Variants in GRM7 observed in about 807,000 individuals in gnomAD.
The protein encoded by GRM7 is metabotropic glutamate receptor 7.
A neutral mutation model predicts 84.5 loss-of-function variants in GRM7; 35 were observed. That is an observed-to-expected ratio of 0.41 (90% CI 0.32 to 0.55). The LOEUF is 0.55. Among genes scored for constraint, GRM7 ranks in the 20% least tolerant of loss-of-function variants. GRM7 has a pLI of 0.19. For synonymous variants in GRM7, 487 were observed against 455.1 expected (o/e 1.07, Z -0.89); for missense variants, 1,003 against 1,194.6 (o/e 0.84, Z 2.36).
chr3:6,900,744 A>G (rs963781556), intron 1 of GRM7, among the ~76,000 whole-genome samples: 3 of 152,206 alleles, frequency 2.0e-5, no homozygotes, highest in East Asian at 3.8e-4. Flanking sequence ...CAAAAAATAA[A>G]CACATTTCCC....
At chr3:7,403,569 C>T (rs1338657878) in intron 4 of GRM7, among the ~76,000 whole-genome samples, 2 of 142,624 alleles carry the variant, frequency 1.4e-5, no homozygotes, top group African/African-American at 2.5e-5. Flanking sequence ...AATGTACGTC[C>T]GTTATTTGAT....
chr3:7,696,117 A>G (rs1701006433), intron 9 of GRM7, among the ~76,000 whole-genome samples: 1 of 152,148 alleles, frequency 6.6e-6, no homozygotes, highest in Non-Finnish European at 1.5e-5. Context: ...CCTTTACAGA[A>G]GAGTTCCTGT....
At position 6,862,997 on chromosome 3, in the gene GRM7, A is replaced by C. The variant is rs1166970720; in HGVS notation, c.519+1090A>C. 2.2e-6 allele frequency: 1 copy of C among 456,510 alleles called. No homozygotes were observed. Among genetic ancestry groups the C allele is most frequent in the South Asian group, 1.5e-5 (1 of 64,524 alleles). 28.3% of individuals were successfully genotyped at this position (456,510 alleles called of 1,614,324 possible). A position where few individuals can be genotyped will look rare whatever the true frequency, so the allele number is the denominator to read the frequency against. ...CTCTGCCCCATGGCTCCTGAGCTGC[A>C]CTGGGTAGGAATGAGTGGCTTTGGG... On this transcript the variant is annotated intron_variant, in intron 1 of 9. Coordinates refer to ENST00000357716, the MANE Select transcript of GRM7 (RefSeq NM_000844.4). The surrounding 1 kb of genome is among the most constrained non-coding windows in gnomAD (Gnocchi z 5.2).
intron 1 of GRM7, among the ~76,000 whole-genome samples, chr3:6,879,752 C>G (rs916427708): frequency 6.6e-6 from 1 of 152,110 alleles, no homozygotes; most frequent in Non-Finnish European, 1.5e-5. Context: ...AATTCAGTAT[C>G]GATTTATAAT....
At chr3:7,701,569 C>T (rs186877226) in intron 9 of GRM7, among the ~76,000 whole-genome samples, 2 of 151,966 alleles carry the variant, frequency 1.3e-5, no homozygotes, top group Non-Finnish European at 2.9e-5. Context: ...CCCCAAAGTG[C>T]GGGATTACAG....
intron 3 of GRM7, among the ~76,000 whole-genome samples, chr3:7,303,581 A>C (rs949244925): frequency 6.6e-6 from 1 of 152,148 alleles, no homozygotes; most frequent in African/African-American, 2.4e-5. Flanking sequence ...TACAGCATCA[A>C]GTATTTTTTC....
In GRM7 at chr3:7,142,517, C is replaced by T. The variant is rs546168839; in HGVS notation, c.520-3935C>T. Among the ~76,000 whole-genome samples the T allele has an allele frequency of 1.3e-5, 2 of 152,204 alleles. 1 individual carries two copies. The highest frequency in any genetic ancestry group is 4.1e-4 in the South Asian group (2 of 4,826). The stretch of plus-strand genomic sequence containing the variant: ...TCATCAGGTCTTGTGAGAACTCAAT[C>T]ACTATCACAAGAAGAGGGTGAGGGA... On this transcript the variant is annotated intron_variant, in intron 1 of 9. Transcript: ENST00000357716.
chr3:7,737,843 A>ATTTTTTTT (rs35087158), intron 9 of GRM7, among the ~76,000 whole-genome samples: 1 of 134,470 alleles, frequency 7.4e-6, no homozygotes, highest in Non-Finnish European at 1.6e-5. Flanking sequence ...TATTCTCCCA[A>ATTTTTTTT]TTTTTTTTTT....
At chr3:7,462,544 A>G (rs1698291339) in intron 7 of GRM7, among the ~76,000 whole-genome samples, 1 of 152,240 alleles carries the variant, frequency 6.6e-6, no homozygotes, top group Non-Finnish European at 1.5e-5. Flanking sequence ...AAATTATGCC[A>G]TTAGCCTTTA....
At chr3:7,262,110 T>C (rs964260970) in intron 2 of GRM7, among the ~76,000 whole-genome samples, 2 of 151,860 alleles carry the variant, frequency 1.3e-5, no homozygotes, top group Admixed American at 6.6e-5. Context: ...TTTTTTTTTT[T>C]TCATTTTGAC....
intron 9 of GRM7, among the ~76,000 whole-genome samples, chr3:7,733,521 G>A (rs1488177149): frequency 6.6e-6 from 1 of 152,090 alleles, no homozygotes; most frequent in Non-Finnish European, 1.5e-5. Flanking sequence ...ACACTTGTGG[G>A]GTGGGTCAGA....
At chr3:7,307,621 T>A (rs952659284) in intron 4 of GRM7, among the ~76,000 whole-genome samples, 3 of 152,178 alleles carry the variant, frequency 2.0e-5, no homozygotes, top group Admixed American at 6.5e-5. Context: ...CTGGAGGAGA[T>A]AAAAATCTCA....
intron 1 of GRM7, among the ~76,000 whole-genome samples, chr3:6,916,862 GA>G (rs989848225): frequency 3.3e-5 from 5 of 152,062 alleles, no homozygotes; most frequent in African/African-American, 1.2e-4. Context: ...TATGTAAGAA[GA>G]AAAAAATGTT....
chr3:7,283,928 T>A (rs75395225), intron 2 of GRM7, among the ~76,000 whole-genome samples: 3,990 of 152,276 alleles, frequency 0.026, 194 homozygotes, highest in African/African-American at 0.089. Context: ...ACAACATATA[T>A]GTCAAACCAA....
intron 8 of GRM7, among the ~76,000 whole-genome samples, chr3:7,592,258 T>C (rs1411778346): frequency 6.9e-6 from 1 of 144,576 alleles, no homozygotes; most frequent in Non-Finnish European, 1.5e-5. Flanking sequence ...GTGGCAAATA[T>C]AAAAAAAAAA....
At chr3:6,915,222 T>C (rs1296075682) in intron 1 of GRM7, among the ~76,000 whole-genome samples, 5 of 152,226 alleles carry the variant, frequency 3.3e-5, no homozygotes, top group East Asian at 1.9e-4. Context: ...CAAATACTTT[T>C]CAGAGTGCAA....
intron 1 of GRM7, among the ~76,000 whole-genome samples, chr3:7,144,959 T>C (rs1694062532): frequency 2.0e-5 from 3 of 152,070 alleles, no homozygotes; most frequent in Admixed American, 2.0e-4. Context: ...AAATGGTGGG[T>C]CGTCTGATTT....
intron 8 of GRM7, among the ~76,000 whole-genome samples, chr3:7,617,004 T>C (rs530791119): frequency 6.6e-6 from 1 of 152,098 alleles, no homozygotes; most frequent in African/African-American, 2.4e-5. Context: ...AAAACAGTGT[T>C]AGTGACTTAC....
chr3:6,873,017 A>G (rs896679648), intron 1 of GRM7, among the ~76,000 whole-genome samples: 1 of 152,166 alleles, frequency 6.6e-6, no homozygotes, highest in Non-Finnish European at 1.5e-5. Flanking sequence ...TTCTGGTTCT[A>G]GATCCCTGAG....
Sources: allele counts gnomAD v4.1 joint callset (sites outside exome capture counted in the v4.1 genomes callset), GRCh38; gene constraint gnomAD v4.1.1; non-coding constraint Gnocchi (gnomAD v3.1); transcripts MANE v1.5; gene names NCBI Gene and HGNC (gene_info 2026-07-23, HGNC 2026-07-21).